ERC2: variants seen among roughly 807,000 people sequenced by gnomAD.
ERC2 encodes ELKS/RAB6-interacting/CAST family member 2, also known as ERC protein 2.
Under a neutral mutation model 114.8 loss-of-function variants are expected in ERC2, and 42 were observed. The ratio of observed to expected loss-of-function variants is 0.37; its 90% CI spans 0.29 to 0.47. The LOEUF (loss-of-function observed/expected upper bound fraction) is 0.47. ERC2 is among the 20% of genes least tolerant of loss of function. The pLI, the probability that ERC2 is intolerant of heterozygous loss-of-function variation, is 0.99. For missense variants in ERC2, 939 were observed against 1,150.7 expected (o/e 0.82, Z 2.66); for synonymous variants, 454 against 425.5 (o/e 1.07, Z -0.82).
chr3:56,322,879 C>A (rs2057191098), intron 2 of ERC2, among the ~76,000 whole-genome samples: 1 of 152,168 alleles, frequency 6.6e-6, no homozygotes, highest in Non-Finnish European at 1.5e-5. Context: ...CCCAACGTGA[C>A]AGTGTTGGGA....
chr3:56,040,743 TAG>T (rs544742665), intron 7 of ERC2, among the ~76,000 whole-genome samples: 2 of 142,432 alleles, frequency 1.4e-5, no homozygotes, highest in African/African-American at 2.6e-5. Context: ...TCTATATATA[TAG>T]AGAGAGATAT....
At chr3:55,755,537 C>A (rs2066995008) in intron 14 of ERC2, among the ~76,000 whole-genome samples, 1 of 152,144 alleles carries the variant, frequency 6.6e-6, no homozygotes. Context: ...CCCGAACACC[C>A]CAATTTGGCC....
intron 15 of ERC2, among the ~76,000 whole-genome samples, chr3:55,700,182 G>A: frequency 6.6e-6 from 1 of 152,208 alleles, no homozygotes; most frequent in East Asian, 1.9e-4. Flanking sequence ...GCAACTTGGA[G>A]TCATGGTTAA....
intron 17 of ERC2, among the ~76,000 whole-genome samples, chr3:55,673,412 G>A (rs889565264): frequency 1.6e-4 from 24 of 152,068 alleles, no homozygotes; most frequent in East Asian, 7.8e-4. Context: ...GTGAAACCCC[G>A]TCTCTACTAA....
chr3:55,583,387 T>TTTCCCTCCTTCC (rs1454611481), intron 17 of ERC2, among the ~76,000 whole-genome samples: 1,763 of 127,710 alleles, frequency 0.014, 37 homozygotes, highest in African/African-American at 0.017. Context: ...TCCTTCTTTC[T>TTTCCCTCCTTCC]TTCCTTCCTT....
At chr3:55,875,690 TCACACA>T (rs71621803) in intron 14 of ERC2, among the ~76,000 whole-genome samples, 4 of 144,638 alleles carry the variant, frequency 2.8e-5, no homozygotes, top group East Asian at 2.0e-4. Context: ...CTAAACTCAT[TCACACA>T]CACACACACA....
intron 4 of ERC2, among the ~76,000 whole-genome samples, chr3:56,154,579 T>A (rs990958027): frequency 6.6e-6 from 1 of 152,192 alleles, no homozygotes; most frequent in Non-Finnish European, 1.5e-5. Context: ...TGACACTGTG[T>A]GATCTTTGAA....
intron 7 of ERC2, among the ~76,000 whole-genome samples, chr3:56,047,308 G>T (rs1560084407): frequency 1.3e-5 from 2 of 152,262 alleles, no homozygotes; most frequent in East Asian, 1.9e-4. Flanking sequence ...AATACCACTG[G>T]ATCCTGTCCT....
chr3:55,831,416 G>GGGGAT (rs2060576520), intron 14 of ERC2, among the ~76,000 whole-genome samples: 1 of 69,084 alleles, frequency 1.4e-5, no homozygotes, highest in African/African-American at 8.9e-5. Context: ...GGGAAGGGGA[G>GGGGAT]GGGAAGGGAA....
chr3:55,757,878 G>A (rs910461732), intron 14 of ERC2, among the ~76,000 whole-genome samples: 1 of 151,890 alleles, frequency 6.6e-6, no homozygotes, highest in Non-Finnish European at 1.5e-5. Context: ...AATTGTATTT[G>A]AGGCTCAGAT....
intron 17 of ERC2, among the ~76,000 whole-genome samples, chr3:55,591,402 T>C (rs2057873680): frequency 6.6e-6 from 1 of 152,118 alleles, no homozygotes; most frequent in South Asian, 2.1e-4. Context: ...TTGGACATTA[T>C]GGGTGGAATG....
intron 17 of ERC2, among the ~76,000 whole-genome samples, chr3:55,517,413 C>A (rs921878075): frequency 7.3e-6 from 1 of 137,674 alleles, no homozygotes. Flanking sequence ...TGCCACTACA[C>A]TCCAGCCTGG....
rs1040358252 is a variant in ERC2, at chr3:56,435,107, C to A, written c.-100G>T. On this transcript the variant is annotated 5_prime_UTR_variant, in exon 2 of 18. Coordinates refer to ENST00000288221, the MANE Select transcript of ERC2 (RefSeq NM_015576.3). ...GATTGTCCAGAATTTTCACCGCATT[C>A]TTTTCACAGTCCGTACCAGAAAATA... The A allele has an allele frequency of 6.8e-5, 58 of 857,436 alleles. No homozygotes were observed. The highest frequency in any genetic ancestry group is 3.4e-4 in the African/African-American group (20 of 58,574). The allele number at this position is 857,436 out of a possible 1,614,324, so 53.1% of individuals were successfully genotyped here.
chr3:56,174,994 A>G (rs999473882), intron 3 of ERC2, among the ~76,000 whole-genome samples: 1 of 149,406 alleles, frequency 6.7e-6, no homozygotes. Flanking sequence ...AAAAAAAAAG[A>G]TAGGACATGT....
At chr3:56,137,584 T>C (rs1047080133) in intron 6 of ERC2, among the ~76,000 whole-genome samples, 5 of 152,238 alleles carry the variant, frequency 3.3e-5, no homozygotes, top group African/African-American at 4.8e-5. Flanking sequence ...TCGACTCTGC[T>C]GTTGTAGCAC....
chr3:55,777,087 T>C (rs890294511), intron 14 of ERC2, among the ~76,000 whole-genome samples: 1 of 147,638 alleles, frequency 6.8e-6, no homozygotes, highest in Non-Finnish European at 1.5e-5. Flanking sequence ...AAAAAAAAAA[T>C]AATAACAGCA....
chr3:55,956,804 G>T (rs1224594171), intron 12 of ERC2, among the ~76,000 whole-genome samples: 1 of 152,112 alleles, frequency 6.6e-6, no homozygotes, highest in Non-Finnish European at 1.5e-5. Flanking sequence ...CATGCAGCAG[G>T]ATGCCCAAGC....
At chr3:55,819,595 G>A (rs1292971842) in intron 14 of ERC2, among the ~76,000 whole-genome samples, 1 of 152,200 alleles carries the variant, frequency 6.6e-6, no homozygotes, top group Non-Finnish European at 1.5e-5. Flanking sequence ...ATATAATAGA[G>A]GGACATGTGG....
intron 16 of ERC2, among the ~76,000 whole-genome samples, chr3:55,692,176 T>G (rs2062702578): frequency 6.6e-6 from 1 of 152,118 alleles, no homozygotes; most frequent in Non-Finnish European, 1.5e-5. Flanking sequence ...TTGGTGAAAG[T>G]GCAAGGGAAG....
Sources: allele counts gnomAD v4.1 joint callset (sites outside exome capture counted in the v4.1 genomes callset), GRCh38; gene constraint gnomAD v4.1.1; transcripts MANE v1.5; gene names NCBI Gene and HGNC (gene_info 2026-07-23, HGNC 2026-07-21).